The following GNAQ variants were observed in gnomAD, a reference collection of about 807,000 sequenced individuals.
GNAQ encodes the protein G protein subunit alpha q.
In GNAQ, 8 loss-of-function variants were observed where a neutral mutation model predicts 43.9. That is an observed-to-expected ratio of 0.18 (90% CI 0.11 to 0.33). The LOEUF (loss-of-function observed/expected upper bound fraction) is 0.33. Among genes scored for constraint, GNAQ ranks in the 10% least tolerant of loss-of-function variants. GNAQ has a pLI of 1.00. For synonymous variants in GNAQ, 155 were observed against 170.7 expected (o/e 0.91, Z 0.71); for missense variants, 158 against 450.8 (o/e 0.35, Z 5.88).
chr9:77,988,587 G>A (rs886322374), intron 1 of GNAQ, among the ~76,000 whole-genome samples: 1 of 152,174 alleles, frequency 6.6e-6, no homozygotes, highest in South Asian at 2.1e-4. Flanking sequence ...TAGGAAGCAT[G>A]GTACATATTA....
At chr9:77,940,603 A>T (rs1829300794) in intron 1 of GNAQ, among the ~76,000 whole-genome samples, 1 of 151,898 alleles carries the variant, frequency 6.6e-6, no homozygotes, top group African/African-American at 2.4e-5. Context: ...ATTAAATTTT[A>T]AAAAGAATCT....
chr9:77,830,390 G>C (rs753078018), intron 2 of GNAQ, among the ~76,000 whole-genome samples: 8 of 152,176 alleles, frequency 5.3e-5, no homozygotes, highest in Non-Finnish European at 1.0e-4. Flanking sequence ...GGAAGACAAA[G>C]ATAGTAAGTT....
intron 5 of GNAQ, among the ~76,000 whole-genome samples, chr9:77,762,103 G>A (rs1315523428): frequency 2.3e-5 from 3 of 129,382 alleles, no homozygotes; most frequent in African/African-American, 5.9e-5. Context: ...CTGGCCAGCC[G>A]CCCCATCCGG....
At position 77,721,984 on chromosome 9, in the gene GNAQ, T is replaced by C. The variant is rs146287940; in HGVS notation, c.890-471A>G. On this transcript the variant is annotated intron_variant, in intron 6 of 6. Coordinates refer to ENST00000286548, the MANE Select transcript of GNAQ (RefSeq NM_002072.5). The stretch of plus-strand genomic sequence containing the variant: ...TCATTTTACATCTTCCAGACTGACA[T>C]CTCTCTTAGAACACCTGTTTGTAAG... Among the ~76,000 whole-genome samples the C allele has an allele frequency of 4.1e-4, 62 of 152,260 alleles. No individual in the cohort carries two copies. In the East Asian group the frequency reaches 0.011, roughly 26 times the overall value.
intron 2 of GNAQ, among the ~76,000 whole-genome samples, chr9:77,920,094 G>A (rs957750508): frequency 1.3e-5 from 2 of 151,794 alleles, no homozygotes; most frequent in Non-Finnish European, 2.9e-5. Flanking sequence ...AGCTGAGATC[G>A]CGCCACTGCA....
At chr9:77,886,693 C>A (rs1828311814) in intron 2 of GNAQ, among the ~76,000 whole-genome samples, 1 of 152,036 alleles carries the variant, frequency 6.6e-6, no homozygotes, top group Non-Finnish European at 1.5e-5. Context: ...TTTGGCTGTA[C>A]AATCACAACA....
At chr9:77,723,843 G>T (rs781452513) in intron 6 of GNAQ, among the ~76,000 whole-genome samples, 18 of 152,042 alleles carry the variant, frequency 1.2e-4, no homozygotes, top group Non-Finnish European at 1.9e-4. Flanking sequence ...GAAAATACTG[G>T]TGATGGCTGC....
chr9:77,904,120 AACAC>A (rs1828662907), intron 2 of GNAQ, among the ~76,000 whole-genome samples: 1 of 152,068 alleles, frequency 6.6e-6, no homozygotes, highest in Non-Finnish European at 1.5e-5. Flanking sequence ...TGGTAGGCTG[AACAC>A]TTGCTAGAGC....
At chr9:78,028,045 A>G (rs1448692232) in intron 1 of GNAQ, among the ~76,000 whole-genome samples, 1 of 152,214 alleles carries the variant, frequency 6.6e-6, no homozygotes, top group East Asian at 1.9e-4. Flanking sequence ...CAACAGAAAT[A>G]TTTAGTGAAT....
intron 1 of GNAQ, among the ~76,000 whole-genome samples, chr9:78,007,285 G>C (rs1382962644): frequency 6.7e-6 from 1 of 149,604 alleles, no homozygotes; most frequent in African/African-American, 2.5e-5. Context: ...CAATCTAAAA[G>C]CTTTTTTTTT....
At chr9:77,971,492 C>T (rs1049316387) in intron 1 of GNAQ, among the ~76,000 whole-genome samples, 2 of 152,154 alleles carry the variant, frequency 1.3e-5, no homozygotes, top group African/African-American at 4.8e-5. Flanking sequence ...AATCAATAAA[C>T]GTAATCCATC....
At chr9:77,841,145 C>G (rs1180705351) in intron 2 of GNAQ, among the ~76,000 whole-genome samples, 1 of 73,462 alleles carries the variant, frequency 1.4e-5, no homozygotes, top group African/African-American at 5.6e-5. Context: ...CACAGACACA[C>G]ATACAAAGAA....
chr9:77,927,269 AT>A (rs944948934), intron 1 of GNAQ, among the ~76,000 whole-genome samples: 14 of 152,340 alleles, frequency 9.2e-5, no homozygotes, highest in Admixed American at 7.8e-4. Flanking sequence ...TAAAATGACC[AT>A]TTTAAATCCA....
chr9:77,871,125 T>C (rs1828033973), intron 2 of GNAQ, among the ~76,000 whole-genome samples: 1 of 152,254 alleles, frequency 6.6e-6, no homozygotes, highest in Non-Finnish European at 1.5e-5. Flanking sequence ...CAAATAAAGT[T>C]AATTTAACAT....
chr9:77,759,159 A>C (rs1028209972), intron 5 of GNAQ, among the ~76,000 whole-genome samples: 1 of 152,214 alleles, frequency 6.6e-6, no homozygotes, highest in African/African-American at 2.4e-5. Flanking sequence ...TAAGCAATGT[A>C]AAAATGGCAT....
intron 2 of GNAQ, among the ~76,000 whole-genome samples, chr9:77,863,422 C>T (rs761095846): frequency 2.6e-5 from 4 of 152,178 alleles, no homozygotes; most frequent in South Asian, 2.1e-4. Context: ...ACCACCTCAG[C>T]GTGGATTTCA....
intron 1 of GNAQ, among the ~76,000 whole-genome samples, chr9:77,934,558 A>T (rs1829204455): frequency 6.6e-6 from 1 of 152,156 alleles, no homozygotes; most frequent in African/African-American, 2.4e-5. Flanking sequence ...TGATCTAGGA[A>T]GTCTCAAAAA....
At chr9:77,996,437 T>G (rs943513263) in intron 1 of GNAQ, among the ~76,000 whole-genome samples, 1 of 152,026 alleles carries the variant, frequency 6.6e-6, no homozygotes, top group Non-Finnish European at 1.5e-5. Context: ...CCCAGCACTT[T>G]GGGAAGCCGA....
intron 1 of GNAQ, among the ~76,000 whole-genome samples, chr9:77,962,618 A>C (rs1177309094): frequency 6.6e-6 from 1 of 152,192 alleles, no homozygotes; most frequent in Non-Finnish European, 1.5e-5. Flanking sequence ...GGCCAGGCAC[A>C]GAGACTCACA....
Sources: gnomAD v4.1 joint callset for allele counts (sites outside exome capture counted in the v4.1 genomes callset) on GRCh38, gnomAD v4.1.1 for gene constraint, MANE v1.5 for transcripts, NCBI Gene and HGNC (gene_info 2026-07-23, HGNC 2026-07-21) for gene names.